Variants in DECR2 observed in about 807,000 individuals in gnomAD.
The protein encoded by DECR2 is peroxisomal 2,4-dienoyl-CoA reductase [(3E)-enoyl-CoA-producing].
DECR2 carries 34 observed loss-of-function variants against 29.2 expected under a neutral mutation model. The observed-to-expected ratio is 1.16, with a 90% CI of 0.89 to 1.55. The LOEUF (loss-of-function observed/expected upper bound fraction) is 1.55, where lower values mean the gene tolerates loss of function less well. Among genes scored for constraint, DECR2 ranks in the 40% most tolerant of loss-of-function variants. DECR2 has a pLI of 0.00. For missense variants in DECR2, 485 were observed against 425.3 expected (o/e 1.14, Z -1.23); for synonymous variants, 224 against 182.7 (o/e 1.23, Z -1.82).
intron 1 of DECR2, among the ~76,000 whole-genome samples, chr16:403,475 C>T (rs1042604414): frequency 1.3e-5 from 2 of 152,142 alleles, no homozygotes; most frequent in Admixed American, 1.3e-4. Flanking sequence ...CATATTATCC[C>T]GACGTAGCTT....
Position 406,415 on chromosome 16 carries a change from A to G in DECR2, c.201+18A>G, listed in dbSNP as rs759150731. Reference sequence around the variant, plus strand: ...TGCTGACGGTGAGAGGGCCTCTCCCATGGTCCCCTGTTCGGGTGGCTGTGG... The same window carrying G: ...TGCTGACGGTGAGAGGGCCTCTCCCGTGGTCCCCTGTTCGGGTGGCTGTGG... On this transcript the variant is annotated intron_variant, in intron 3 of 8. Transcript: ENST00000219481. 9 of 1,606,474 alleles carry G rather than the reference A, an allele frequency of 5.6e-6. No homozygotes were observed. The highest frequency in any genetic ancestry group is 1.6e-4 in the Middle Eastern group (1 of 6,066).
At chr16:405,140 C>A in intron 2 of DECR2, 116 bp downstream of exon 2, 1 of 1,280,064 alleles carries the variant, frequency 7.8e-7, no homozygotes, top group Non-Finnish European at 1.1e-6. Flanking sequence ...CTCACCTACC[C>A]GACAGGATCC....
chr16:409,327 C>T (rs370155690), intron 4 of DECR2, among the ~76,000 whole-genome samples: 11 of 151,914 alleles, frequency 7.2e-5, no homozygotes, highest in South Asian at 2.1e-4. Flanking sequence ...CCTGCCACCA[C>T]GCCTGGCTAA....
rs1487551481 is a variant in DECR2 at position 406,807 on chromosome 16, CAG to C, written c.201+411_201+412del. On this transcript the variant is annotated intron_variant, in intron 3 of 8. Coordinates refer to ENST00000219481, the MANE Select transcript of DECR2 (RefSeq NM_020664.4). ...GAACCACTGTGCCCGGCCGGCACCT[CAG>C]CCTCCCAAAGTGCCAGGATTACAGG... 1.6e-5 allele frequency: 10 copies of C among 642,352 alleles called. No individual in the cohort carries two copies. The Admixed American group carries it at 5.8e-4, about 37-fold the overall frequency. The allele number at this position is 642,352 out of a possible 1,614,324, so 39.8% of individuals were successfully genotyped here.
intron 1 of DECR2, 136 bp downstream of exon 1, chr16:402,179 C>T (rs1304187030): frequency 3.7e-6 from 2 of 545,570 alleles, no homozygotes; most frequent in Non-Finnish European, 5.5e-6. Context: ...TTTTTTCTTT[C>T]TTTTTTTTTT....
At chr16:404,523 A>T (rs2054702648) in intron 1 of DECR2, among the ~76,000 whole-genome samples, 1 of 152,148 alleles carries the variant, frequency 6.6e-6, no homozygotes, top group Non-Finnish European at 1.5e-5. Context: ...TAGAGGTGTG[A>T]GCCAAGGCAC....
rs1487065029 is a variant in DECR2, at chr16:401,962, C to T, written c.-2C>T. On this transcript the variant is annotated 5_prime_UTR_variant, in exon 1 of 9. Coordinates refer to ENST00000219481, the MANE Select transcript of DECR2 (RefSeq NM_020664.4). ...GTCCCCGCAGTCCCCGACGGGAGCG[C>T]CATGGCCCAGCCGCCGCCCGACGTG... The T allele has an allele frequency of 1.3e-6, 2 of 1,486,580 alleles. No homozygotes were observed. Among genetic ancestry groups the T allele is most frequent in the Non-Finnish European group, 1.8e-6 (2 of 1,125,980 alleles). The allele number at this position is 1,486,580 out of a possible 1,614,324, so 92.1% of individuals were successfully genotyped here.
intron 1 of DECR2, chr16:403,130 C>G (rs989311831): frequency 3.0e-6 from 2 of 662,082 alleles, no homozygotes; most frequent in Non-Finnish European, 3.7e-6. Flanking sequence ...TCCCAATTCT[C>G]CTGCTTCAGC....
rs1287310595 is a variant in DECR2, at chr16:407,498, C to A, written c.275C>A (p.Ala92Asp). 6.2e-7 allele frequency: 1 copy of A among 1,613,864 alleles called. No homozygotes were observed. Among genetic ancestry groups the A allele is most frequent in the Non-Finnish European group, 8.5e-7 (1 of 1,179,954 alleles). ...TCTATGGACGTCCGAGCGCCCCCAG[C>A]TGTCATGGCCGCCGTGGACCAGGCT... ...PLSMDVRAPP[A>D]VMAAVDQALK... The change falls in exon 4 of 9, where the codon GCT becomes GAT. Residue 92 changes from alanine (A) to aspartate (D), a missense_variant. By Grantham distance (126) the Ala-to-Asp change is moderately radical (BLOSUM62 -2). Coordinates refer to ENST00000219481, the MANE Select transcript of DECR2 (RefSeq NM_020664.4).
chr16:408,526 T>C (rs2054771468), intron 4 of DECR2, among the ~76,000 whole-genome samples: 1 of 150,984 alleles, frequency 6.6e-6, no homozygotes, highest in African/African-American at 2.4e-5. Flanking sequence ...AATAGCCTTT[T>C]TTTTTTTTTT....
Position 404,064 on chromosome 16 carries a change from T to C in DECR2, c.81-892T>C, listed in dbSNP as rs112386099. Among the ~76,000 whole-genome samples, 7 of 151,938 alleles carry C rather than the reference T, an allele frequency of 4.6e-5. 1 individual carries two copies. The highest frequency in any genetic ancestry group is 2.1e-4 in the South Asian group (1 of 4,812). On this transcript the variant is annotated intron_variant, in intron 1 of 8. Coordinates refer to ENST00000219481, the MANE Select transcript of DECR2 (RefSeq NM_020664.4). The stretch of plus-strand genomic sequence containing the variant: ...GGCAGGTGCCTGTAGTCCCAGCTAC[T>C]CTGGAGGCTGAGGCAGGAGAATGGT...
In DECR2 at chr16:407,350, C is replaced by T. The variant is rs771664203; in HGVS notation, c.202-75C>T. The T allele has an allele frequency of 7.8e-5, 119 of 1,521,302 alleles. 1 individual carries two copies. The highest frequency in any genetic ancestry group is 1.0e-4 in the Non-Finnish European group (116 of 1,141,104). The allele number at this position is 1,521,302 out of a possible 1,614,324, so 94.2% of individuals were successfully genotyped here. On this transcript the variant is annotated intron_variant, in intron 3 of 8. Coordinates refer to ENST00000219481, the MANE Select transcript of DECR2 (RefSeq NM_020664.4). Reference sequence around the variant, plus strand: ...CCCCGAGGAACCCGGAAGCATCGTCCTCTGCAGATTCCAAAGGCCTTTTCT... The same window carrying T: ...CCCCGAGGAACCCGGAAGCATCGTCTTCTGCAGATTCCAAAGGCCTTTTCT...
At position 406,600 on chromosome 16, in the gene DECR2, C is replaced by T. The variant is rs150483630; in HGVS notation, c.201+203C>T. 5.0e-4 allele frequency: 321 copies of T among 638,180 alleles called. No individual in the cohort carries two copies. The African/African-American group carries it at 5.3e-3, about 10-fold the overall frequency. 39.5% of individuals were successfully genotyped at this position (638,180 alleles called of 1,614,324 possible). On this transcript the variant is annotated intron_variant, in intron 3 of 8. Transcript: ENST00000219481. ...GCAGCCTCCACCTCCCAGGATCAAG[C>T]GATTCTCCTGCCTCAGCCTCCGGAG...
rs145686298 is a variant in DECR2, at chr16:410,981, C to T, written c.566C>T (p.Thr189Met). The T allele has an allele frequency of 6.7e-5, 107 of 1,599,202 alleles. No homozygotes were observed. Among genetic ancestry groups the T allele is most frequent in the Admixed American group, 2.2e-4 (13 of 58,014 alleles). Residue 189 changes from threonine (T) to methionine (M), a missense_variant, in exon 7 of 9, where the codon ACG becomes ATG. Physicochemically the swap from Thr to Met is moderately conservative, Grantham distance 81 (BLOSUM62 -1). Coordinates refer to ENST00000219481, the MANE Select transcript of DECR2 (RefSeq NM_020664.4). This position sits in a 1 kb window ranked among gnomAD's most constrained non-coding sequence, Gnocchi z 4.1. Reference sequence around the variant, plus strand: ...ACTTTCTTCTGTGCAGACGCGATGACGCGGCACTTGGCTGTGGAGTGGGGT... The same window carrying T: ...ACTTTCTTCTGTGCAGACGCGATGATGCGGCACTTGGCTGTGGAGTGGGGT... ...GSAKAAVDAM[T>M]RHLAVEWGPQ...
In DECR2 at chr16:410,380, T is replaced by G; in HGVS notation, c.462+13T>G. On this transcript the variant is annotated intron_variant, in intron 5 of 8. Coordinates refer to ENST00000219481, the MANE Select transcript of DECR2 (RefSeq NM_020664.4). This position sits in a 1 kb window ranked among gnomAD's most constrained non-coding sequence, Gnocchi z 4.1. ...GAAGTTCTTCCGGGTGGGTGCCTCG[T>G]GCGCTCTGTGAGAAGTTCTTCCGGG... 1 of 1,590,946 alleles carries G rather than the reference T, an allele frequency of 6.3e-7. No homozygotes were observed. Among genetic ancestry groups the G allele is most frequent in the Non-Finnish European group, 8.6e-7 (1 of 1,168,110 alleles).
Position 401,933 on chromosome 16 carries a change from C to G in DECR2, c.-31C>G, listed in dbSNP as rs781756171. The G allele has an allele frequency of 1.0e-5, 15 of 1,474,556 alleles. No individual in the cohort carries two copies. The South Asian group carries it at 1.8e-4, about 18-fold the overall frequency. The allele number at this position is 1,474,556 out of a possible 1,614,324, so 91.3% of individuals were successfully genotyped here. On this transcript the variant is annotated 5_prime_UTR_variant, in exon 1 of 9. Coordinates refer to ENST00000219481, the MANE Select transcript of DECR2 (RefSeq NM_020664.4). ...CCTGGAGGCCGAGGCCGCTCCCGCC[C>G]GTTGTCCCCGCAGTCCCCGACGGGA...
chr16:409,707 C>A (rs1328845838), intron 4 of DECR2: 1 of 152,924 alleles, frequency 6.5e-6, no homozygotes, highest in African/African-American at 2.4e-5. Context: ...TCTCCCAGTT[C>A]TGGAGGCCAG....
Position 410,251 on chromosome 16 carries a change from G to A in DECR2, c.346G>A (p.Gly116Arg), listed in dbSNP as rs374254424. Residue 116 changes from glycine to arginine, a missense_variant, in exon 5 of 9, where the codon GGG becomes AGG. Physicochemically the swap from Gly to Arg is moderately radical, Grantham distance 125. Transcript: ENST00000219481. The surrounding 1 kb of genome is among the most constrained non-coding windows in gnomAD (Gnocchi z 4.1). ...RIDILINCAA[G>R]NFLCPAGALS... ...GGTCTCCCATTCTGCAGGTGCGGCC[G>A]GGAACTTCCTGTGCCCCGCTGGCGC... The A allele has an allele frequency of 2.7e-5, 43 of 1,612,878 alleles. No individual in the cohort carries two copies. Among genetic ancestry groups the A allele is most frequent in the Non-Finnish European group, 3.1e-5 (37 of 1,179,614 alleles).
chr16:411,852 C>A, intron 8 of DECR2, 38 bp from the exon 9 acceptor site: 1 of 436,592 alleles, frequency 2.3e-6, no homozygotes, highest in Non-Finnish European at 4.1e-6. Context: ...AGGGGGAAGC[C>A]GTCCTCAGCC....
Sources: gnomAD v4.1 joint callset for allele counts (sites outside exome capture counted in the v4.1 genomes callset) on GRCh38, gnomAD v4.1.1 for gene constraint, Gnocchi (gnomAD v3.1) non-coding constraint, MANE v1.5 for transcripts, NCBI Gene and HGNC (gene_info 2026-07-23, HGNC 2026-07-21) for gene names.